The following TMEM117 variants were observed in gnomAD, a reference collection of about 807,000 sequenced individuals.
TMEM117 encodes the protein transmembrane protein 117.
In TMEM117, 27 loss-of-function variants were observed where a neutral mutation model predicts 52.4. The ratio of observed to expected loss-of-function variants is 0.51; its 90% CI spans 0.38 to 0.71. The LOEUF (loss-of-function observed/expected upper bound fraction) is 0.71, where lower values mean the gene tolerates loss of function less well. Ranked by LOEUF, TMEM117 falls within the 30% of genes least tolerant of loss-of-function variation. The pLI is 0.00. For missense variants in TMEM117, 556 were observed against 630.5 expected (o/e 0.88, Z 1.26); for synonymous variants, 215 against 206.3 (o/e 1.04, Z -0.36).
At chr12:43,958,565 G>A (rs1945345443) in intron 3 of TMEM117, among the ~76,000 whole-genome samples, 2 of 152,224 alleles carry the variant, frequency 1.3e-5, no homozygotes, top group South Asian at 2.1e-4. Context: ...CCTGAACAAC[G>A]TGAAGGTGAA....
At chr12:43,825,148 T>G in the TMEM117 span, among the ~76,000 whole-genome samples, 1 of 152,256 alleles carries the variant, frequency 6.6e-6, no homozygotes. Flanking sequence ...AAGTGAAATC[T>G]ACTGGTTTTT....
intron 3 of TMEM117, among the ~76,000 whole-genome samples, chr12:44,001,898 C>T (rs1214219031): frequency 6.6e-6 from 1 of 152,114 alleles, no homozygotes; most frequent in African/African-American, 2.4e-5. Context: ...TTCTGCCTTT[C>T]CAGGGGAATT....
At chr12:44,164,563 GA>G (rs900138599) in intron 4 of TMEM117, among the ~76,000 whole-genome samples, 3 of 151,642 alleles carry the variant, frequency 2.0e-5, no homozygotes, top group South Asian at 2.1e-4. Flanking sequence ...TGAGGGGCTG[GA>G]AAAAAAACCC....
rs577607514 is a variant in TMEM117 at position 44,364,437 on chromosome 12, A to G, written c.769-12158A>G. 4.6e-5 allele frequency among the ~76,000 whole-genome samples: 7 copies of G among 152,300 alleles called. No homozygotes were observed. The South Asian group carries it at 1.0e-3, about 23-fold the overall frequency. ...AAATATGACACATTTCATTAGAAAT[A>G]TGATATATTGCAGAGATATTATATG... On this transcript the variant is annotated intron_variant, in intron 6 of 7. Transcript: ENST00000266534.
intron 6 of TMEM117, among the ~76,000 whole-genome samples, chr12:44,301,449 G>A (rs542002433): frequency 1.3e-5 from 2 of 152,260 alleles, no homozygotes; most frequent in East Asian, 3.9e-4. Context: ...TCAGAGAGTA[G>A]TCAGAGCACC....
chr12:44,336,709 G>T (rs1362168184), intron 6 of TMEM117, among the ~76,000 whole-genome samples: 1 of 151,844 alleles, frequency 6.6e-6, no homozygotes, highest in Non-Finnish European at 1.5e-5. Flanking sequence ...AAAACCATAG[G>T]GGTTTTTTTT....
intron 4 of TMEM117, among the ~76,000 whole-genome samples, chr12:44,196,500 A>C (rs534468424): frequency 1.3e-4 from 20 of 152,346 alleles, no homozygotes; most frequent in Non-Finnish European, 2.1e-4. Flanking sequence ...TATCTTGGAT[A>C]TGTAATTACA....
chr12:43,928,187 A>G (rs936677647), intron 2 of TMEM117, among the ~76,000 whole-genome samples: 1 of 152,036 alleles, frequency 6.6e-6, no homozygotes, highest in African/African-American at 2.4e-5. Flanking sequence ...GTTCTCTAGA[A>G]CGTTTTAACT....
At chr12:44,039,752 A>G (rs73089719) in intron 3 of TMEM117, among the ~76,000 whole-genome samples, 8,859 of 152,090 alleles carry the variant, frequency 0.058, 389 homozygotes, top group African/African-American at 0.12. Context: ...AATCTTTACC[A>G]TCCAGACTAT....
intron 3 of TMEM117, among the ~76,000 whole-genome samples, chr12:44,125,644 TA>T (rs1022424586): frequency 6.6e-6 from 1 of 152,170 alleles, no homozygotes; most frequent in Admixed American, 6.5e-5. Context: ...CTATCTGTTT[TA>T]TTAAGTTTTC....
intron 7 of TMEM117, among the ~76,000 whole-genome samples, chr12:44,380,358 C>T (rs773414463): frequency 7.2e-5 from 11 of 152,214 alleles, no homozygotes; most frequent in African/African-American, 1.2e-4. Context: ...GAACCCCAGA[C>T]GGCTCCCTCT....
At chr12:44,339,522 A>G (rs955651298) in intron 6 of TMEM117, among the ~76,000 whole-genome samples, 2 of 152,084 alleles carry the variant, frequency 1.3e-5, no homozygotes, top group Non-Finnish European at 1.5e-5. Flanking sequence ...GAATCAGCAC[A>G]AATATTATTA....
chr12:44,339,667 G>T (rs1951390346), intron 6 of TMEM117, among the ~76,000 whole-genome samples: 1 of 151,778 alleles, frequency 6.6e-6, no homozygotes, highest in African/African-American at 2.4e-5. Flanking sequence ...AATCAAAAAA[G>T]ATACAATAGC....
In TMEM117 at chr12:44,216,168, C is replaced by T. The variant is rs138095841; in HGVS notation, c.608+4781C>T. On this transcript the variant is annotated intron_variant, in intron 5 of 7. Transcript: ENST00000266534. ...GATTACAGGCATGCACCACCACACC[C>T]GGCTAATTTTTGTATTTTTAGAAGA... Among the ~76,000 whole-genome samples the T allele has an allele frequency of 2.4e-3, 360 of 151,878 alleles. 11 individuals carry two copies. The East Asian group carries it at 0.035, about 15-fold the overall frequency.
intron 6 of TMEM117, among the ~76,000 whole-genome samples, chr12:44,359,576 C>G (rs1043314829): frequency 6.6e-6 from 1 of 151,860 alleles, no homozygotes; most frequent in East Asian, 1.9e-4. Context: ...CTCTTTTCTA[C>G]CAAAAGGCAG....
At chr12:44,309,209 T>C (rs565824412) in intron 6 of TMEM117, among the ~76,000 whole-genome samples, 1 of 152,286 alleles carries the variant, frequency 6.6e-6, no homozygotes, top group East Asian at 1.9e-4. Context: ...CTTTTTCATA[T>C]CTTGAGTTTT....
intron 1 of TMEM117, among the ~76,000 whole-genome samples, chr12:43,841,360 A>G (rs1429080886): frequency 6.6e-6 from 1 of 152,194 alleles, no homozygotes; most frequent in African/African-American, 2.4e-5. Context: ...TATAAATTAA[A>G]CAGGCAGCAA....
intron 1 of TMEM117, among the ~76,000 whole-genome samples, chr12:43,836,425 G>T (rs550026700): frequency 8.5e-5 from 13 of 152,268 alleles, no homozygotes; most frequent in African/African-American, 2.6e-4. Context: ...AAGGAGGGAG[G>T]GGGGACGCGC....
intron 3 of TMEM117, among the ~76,000 whole-genome samples, chr12:43,982,915 T>G (rs1945784335): frequency 6.6e-6 from 1 of 152,216 alleles, no homozygotes; most frequent in South Asian, 2.1e-4. Flanking sequence ...AATGATATCC[T>G]TAATCTATTA....
Sources: allele counts gnomAD v4.1 joint callset (sites outside exome capture counted in the v4.1 genomes callset), GRCh38; gene constraint gnomAD v4.1.1; transcripts MANE v1.5; gene names NCBI Gene and HGNC (gene_info 2026-07-23, HGNC 2026-07-21).